The following C4BPB variants were observed in gnomAD, a reference collection of about 807,000 sequenced individuals.
The protein encoded by C4BPB is C4b-binding protein beta chain.
C4BPB carries 19 observed loss-of-function variants against 26.6 expected under a neutral mutation model. The ratio of observed to expected loss-of-function variants is 0.71; its 90% CI spans 0.50 to 1.05. The LOEUF (loss-of-function observed/expected upper bound fraction) is 1.05. Ranked by LOEUF, C4BPB falls within the 50% of genes least tolerant of loss-of-function variation. C4BPB has a pLI of 0.00. For missense variants in C4BPB, 282 were observed against 302.9 expected, an observed-to-expected ratio of 0.93 and a Z score of 0.51; for synonymous variants, 118 against 103.5, an observed-to-expected ratio of 1.14 and a Z score of -0.85.
intron 4 of C4BPB, among the ~76,000 whole-genome samples, chr1:207,094,502 C>T (rs975252771): frequency 1.3e-5 from 2 of 152,100 alleles, no homozygotes; most frequent in Non-Finnish European, 2.9e-5. Flanking sequence ...TTCCTTATTT[C>T]TTCCAAACAT....
intron 6 of C4BPB, among the ~76,000 whole-genome samples, chr1:207,098,545 CT>C (rs1394757812): frequency 7.9e-5 from 12 of 152,066 alleles, no homozygotes; most frequent in Non-Finnish European, 4.4e-5. Flanking sequence ...GGTTCCCAAC[CT>C]TTTTGGCACC....
At position 207,091,750 on chromosome 1, in the gene C4BPB, C is replaced by CT. The variant is rs1684036534; in HGVS notation, c.339_340insT (p.Lys114Ter). On this transcript the variant is annotated frameshift_variant, in exon 4 of 7. Transcript: ENST00000367078. LOFTEE classifies it high-confidence loss of function. Reference sequence around the variant, plus strand: ...TTATGTGCAATGACCACTACATCCTCAAGGGCAGCAATCGGAGCCAGTGTC... The same window carrying CT: ...TTATGTGCAATGACCACTACATCCTCTAAGGGCAGCAATCGGAGCCAGTGTC... The CT allele has an allele frequency of 6.2e-7, 1 of 1,614,154 alleles. No homozygotes were observed. The highest frequency in any genetic ancestry group is 1.3e-5 in the African/African-American group (1 of 75,050).
rs575077693 is a variant in C4BPB at position 207,089,604 on chromosome 1, C to T, written c.58+15C>T. ...TGCTTCAGATGGTACGTATGCTTTC[C>T]TTCAACTCAGCTTACAGGCATTTGG... On this transcript the variant is annotated intron_variant, in intron 2 of 6. Transcript: ENST00000367078. 2.0e-4 allele frequency: 317 copies of T among 1,612,712 alleles called. 3 individuals carry two copies. The highest frequency in any genetic ancestry group is 1.7e-3 in the South Asian group (151 of 91,056).
intron 2 of C4BPB, among the ~76,000 whole-genome samples, chr1:207,089,994 G>A (rs1029352927): frequency 7.9e-5 from 12 of 152,192 alleles, no homozygotes; most frequent in African/African-American, 2.7e-4. Context: ...AATTCCGGCC[G>A]GGCGCAGCGG....
chr1:207,090,342 T>C lies in C4BPB; in HGVS notation c.93T>C (p.Asn31=), dbSNP rs949852285. 7 of 1,613,582 alleles carry C rather than the reference T, an allele frequency of 4.3e-6. No individual in the cohort carries two copies. The highest frequency in any genetic ancestry group is 4.0e-5 in the African/African-American group (3 of 74,888). ...GTCCAGAGCTTCCTCCAGTGGACAATAGCATATTTGTCGCAAAGGAGGTGG... is the reference window on the plus strand; with the variant it reads ...GTCCAGAGCTTCCTCCAGTGGACAACAGCATATTTGTCGCAAAGGAGGTGG... ...EHCPELPPVD[N]SIFVAKEVEG... is the part of the protein sequence containing the mutation. The change falls in exon 3 of 7, where the codon AAT becomes AAC. Residue 31 remains asparagine, a synonymous_variant. Coordinates refer to ENST00000367078, the MANE Select transcript of C4BPB (RefSeq NM_001017365.3).
chr1:207,096,726 T>C (rs1158494163), intron 5 of C4BPB, 111 bp downstream of exon 5: 7 of 647,006 alleles, frequency 1.1e-5, no homozygotes, highest in Non-Finnish European at 1.9e-5. Flanking sequence ...TGCTGCAGGA[T>C]TCTAAGCTCA....
intron 3 of C4BPB, among the ~76,000 whole-genome samples, 168 bp from the exon 4 acceptor site, chr1:207,091,476 T>C (rs1189860931): frequency 1.3e-5 from 2 of 152,232 alleles, no homozygotes; most frequent in African/African-American, 4.8e-5. Flanking sequence ...AATCTCCTCT[T>C]TTTTTCATTC....
chr1:207,098,560 G>T (rs1684347581), intron 6 of C4BPB, among the ~76,000 whole-genome samples: 1 of 152,222 alleles, frequency 6.6e-6, no homozygotes, highest in African/African-American at 2.4e-5. Flanking sequence ...TGGCACCAGG[G>T]ATGGGTATCA....
chr1:207,099,594 A>G (rs979852900), intron 6 of C4BPB, among the ~76,000 whole-genome samples, 195 bp from the exon 7 acceptor site: 2 of 152,226 alleles, frequency 1.3e-5, no homozygotes, highest in African/African-American at 4.8e-5. Context: ...CATATTTATT[A>G]CTGGGATAAT....
chr1:207,089,022 G>A (rs913424271), intron 1 of C4BPB, 76 bp downstream of exon 1: 1 of 157,198 alleles, frequency 6.4e-6, no homozygotes, highest in Non-Finnish European at 1.4e-5. Context: ...ATTCAGGAAA[G>A]GAGGATGAGG....
chr1:207,099,923 G>T lies in C4BPB; in HGVS notation c.753G>T (p.Leu251Phe), dbSNP rs755850124. The T allele has an allele frequency of 2.5e-6, 4 of 1,612,646 alleles. No individual in the cohort carries two copies. The highest frequency in any genetic ancestry group is 2.2e-5 in the East Asian group (1 of 44,870). Residue 251 changes from leucine to phenylalanine, a missense_variant, in exon 7 of 7, where the codon TTG (leucine) becomes TTT (phenylalanine). Leu to Phe is a conservative substitution (Grantham distance 22, BLOSUM62 0). Transcript: ENST00000367078. ...AGAAAGCTGAGTTGAAGGCAAAATTGTTGTAACACTACAGCTGAGCAGATG... is the reference window on the plus strand; with the variant it reads ...AGAAAGCTGAGTTGAAGGCAAAATTTTTGTAACACTACAGCTGAGCAGATG... ...ELKKAELKAK[L>F]L
chr1:207,094,695 A>G (rs527898615), intron 4 of C4BPB, among the ~76,000 whole-genome samples: 12 of 152,286 alleles, frequency 7.9e-5, no homozygotes, highest in African/African-American at 2.9e-4. Flanking sequence ...AATTGTACTC[A>G]TAAAAGTTAC....
At chr1:207,095,677 C>T (rs1283422198) in intron 4 of C4BPB, 4 of 336,492 alleles carry the variant, frequency 1.2e-5, no homozygotes, top group Non-Finnish European at 2.3e-5. Flanking sequence ...ATGTGTGTTC[C>T]TGCTCAAATC....
At position 207,096,309 on chromosome 1, in the gene C4BPB, T is replaced by C. The variant is rs56202249; in HGVS notation, c.410-213T>C. 405 of 544,134 alleles carry C rather than the reference T, an allele frequency of 7.4e-4. 1 individual carries two copies. Among genetic ancestry groups the C allele is most frequent in the African/African-American group, 7.2e-3 (367 of 50,828 alleles). 33.7% of individuals were successfully genotyped at this position (544,134 alleles called of 1,614,324 possible). A position where few individuals can be genotyped will look rare whatever the true frequency, so the allele number is the denominator to read the frequency against. ...CTCAGAAGATGGGCTGGGGGAAAGCTCTTTCCCATGGACAAATATGATTTA... is the reference window on the plus strand; with the variant it reads ...CTCAGAAGATGGGCTGGGGGAAAGCCCTTTCCCATGGACAAATATGATTTA... On this transcript the variant is annotated intron_variant, in intron 4 of 6. Transcript: ENST00000367078.
intron 3 of C4BPB, among the ~76,000 whole-genome samples, chr1:207,091,376 G>A (rs1684017422): frequency 1.3e-5 from 2 of 152,158 alleles, no homozygotes; most frequent in Admixed American, 6.5e-5. Context: ...CATACGATTG[G>A]TAACTTTCAG....
chr1:207,091,496 A>G, intron 3 of C4BPB, 148 bp from the exon 4 acceptor site: 2 of 581,440 alleles, frequency 3.4e-6, no homozygotes, highest in East Asian at 2.8e-5. Flanking sequence ...CTGCATTGAT[A>G]TGGTAGTACC....
intron 1 of C4BPB, 94 bp from the exon 2 acceptor site, chr1:207,089,388 C>T: frequency 3.2e-6 from 2 of 626,986 alleles, no homozygotes; most frequent in Non-Finnish European, 5.6e-6. Context: ...TCATTTTCTC[C>T]AGGGAGGGTA....
At position 207,091,630 on chromosome 1, in the gene C4BPB, A is replaced by C; in HGVS notation, c.233-14A>C. Reference sequence around the variant, plus strand: ...GCTTTGCCCTTTCAGCTTATTGCTTATTTTCTTCTTCAGTGGGCCACTGTC... The same window carrying C: ...GCTTTGCCCTTTCAGCTTATTGCTTCTTTTCTTCTTCAGTGGGCCACTGTC... On this transcript the variant is annotated splice_polypyrimidine_tract_variant and intron_variant, in intron 3 of 6. Transcript: ENST00000367078. 6.2e-7 allele frequency: 1 copy of C among 1,607,490 alleles called. No homozygotes were observed. Among genetic ancestry groups the C allele is most frequent in the Non-Finnish European group, 8.5e-7 (1 of 1,176,608 alleles).
chr1:207,095,053 T>G (rs1399422180), intron 4 of C4BPB: 2 of 260,154 alleles, frequency 7.7e-6, no homozygotes, highest in Non-Finnish European at 1.5e-5. Context: ...ATTTTTATGT[T>G]TCAGTAAATA....
Sources: gnomAD v4.1 joint callset for allele counts (sites outside exome capture counted in the v4.1 genomes callset) on GRCh38, gnomAD v4.1.1 for gene constraint, MANE v1.5 for transcripts, NCBI Gene and HGNC (gene_info 2026-07-23, HGNC 2026-07-21) for gene names.